The following GTF2I variants were observed in gnomAD, a reference collection of about 807,000 sequenced individuals.
GTF2I encodes the protein general transcription factor II-I.
A neutral mutation model predicts 67.6 loss-of-function variants in GTF2I; 12 were observed. The ratio of observed to expected loss-of-function variants is 0.18; its 90% confidence interval spans 0.11 to 0.29. The LOEUF (loss-of-function observed/expected upper bound fraction) is 0.29. GTF2I is among the 10% of genes least tolerant of loss of function. The pLI, the probability that GTF2I is intolerant of heterozygous loss-of-function variation, is 1.00. For synonymous variants in GTF2I, 149 were observed against 197.0 expected (o/e 0.76, Z 2.04); for missense variants, 271 against 580.1 (o/e 0.47, Z 5.47).
intron 1 of GTF2I, among the ~76,000 whole-genome samples, chr7:74,686,982 T>C (rs1787796501): frequency 6.6e-6 from 1 of 151,764 alleles, no homozygotes; most frequent in Admixed American, 6.6e-5. Flanking sequence ...CTCCACCTAC[T>C]GGATTCAATT....
chr7:74,668,543 A>G (rs1023792842), intron 1 of GTF2I, among the ~76,000 whole-genome samples: 1 of 151,710 alleles, frequency 6.6e-6, no homozygotes, highest in Non-Finnish European at 1.5e-5. Flanking sequence ...ATTTCCATAC[A>G]CAGTCCTTAA....
In GTF2I at chr7:74,716,959, A is replaced by C. The variant is rs1554403756; in HGVS notation, c.880+9A>C. ...GGAAGTACCAGCAGAAGGTTAGGAG[A>C]AAAAGAGATTGCATATTTTCCACTA... On this transcript the variant is annotated intron_variant, in intron 11 of 34. Transcript: ENST00000573035. The C allele has an allele frequency of 1.9e-6, 3 of 1,596,462 alleles. No homozygotes were observed. The African/African-American group carries it at 4.0e-5, about 21-fold the overall frequency.
chr7:74,708,472 T>G (rs1373716117), intron 8 of GTF2I, among the ~76,000 whole-genome samples: 1 of 152,134 alleles, frequency 6.6e-6, no homozygotes, highest in Admixed American at 6.6e-5. Flanking sequence ...CTGGTGCTGG[T>G]GGCTGAGGGG....
At chr7:74,709,678 A>T (rs189797603) in intron 8 of GTF2I, among the ~76,000 whole-genome samples, 9 of 143,048 alleles carry the variant, frequency 6.3e-5, no homozygotes, top group East Asian at 4.0e-4. Context: ...TTCTTTCTTT[A>T]TTTTTTTTTT....
chr7:74,680,099 A>AATATATATAT (rs1554393663), intron 1 of GTF2I, among the ~76,000 whole-genome samples: 7 of 94,976 alleles, frequency 7.4e-5, no homozygotes, highest in South Asian at 3.3e-4. Flanking sequence ...AAAAAAAAAA[A>AATATATATAT]ATATATATAT....
intron 1 of GTF2I, among the ~76,000 whole-genome samples, chr7:74,683,834 CAG>C (rs1787460102): frequency 6.6e-6 from 1 of 152,052 alleles, no homozygotes; most frequent in African/African-American, 2.4e-5. Context: ...GCCGGGGCAA[CAG>C]AGCGAGACTC....
intron 6 of GTF2I, among the ~76,000 whole-genome samples, chr7:74,703,282 A>G (rs1424359734): frequency 6.6e-6 from 1 of 152,088 alleles, no homozygotes; most frequent in Non-Finnish European, 1.5e-5. Context: ...AATCTACATT[A>G]TCCTTATTGT....
intron 1 of GTF2I, among the ~76,000 whole-genome samples, chr7:74,676,790 T>A (rs1486119280): frequency 1.3e-5 from 2 of 152,164 alleles, no homozygotes; most frequent in Admixed American, 1.3e-4. Context: ...GCATGATGGC[T>A]CATGCCTGTA....
At chr7:74,688,875 A>AC (rs1441910532) in intron 1 of GTF2I, 2 of 395,332 alleles carry the variant, frequency 5.1e-6, no homozygotes, top group Non-Finnish European at 9.1e-6. Context: ...TCTGGGTGCC[A>AC]CCTGGATTTA....
chr7:74,711,475 A>G (rs1189656477), intron 9 of GTF2I, among the ~76,000 whole-genome samples: 1 of 152,184 alleles, frequency 6.6e-6, no homozygotes, highest in Non-Finnish European at 1.5e-5. Flanking sequence ...TTAAACACTT[A>G]AAGTAAAAAA....
chr7:74,668,321 G>A (rs956129962), intron 1 of GTF2I, among the ~76,000 whole-genome samples: 1 of 122,804 alleles, frequency 8.1e-6, no homozygotes, highest in Non-Finnish European at 1.6e-5. Context: ...TTGTAGCATG[G>A]CAAAGCCCAT....
At chr7:74,688,832 G>A (rs587671471) in intron 1 of GTF2I, 7 of 332,460 alleles carry the variant, frequency 2.1e-5, no homozygotes, top group East Asian at 6.5e-5. Flanking sequence ...GCCTTGCCTC[G>A]TCTTGTTCTT....
At chr7:74,671,623 C>G (rs1242772364) in intron 1 of GTF2I, among the ~76,000 whole-genome samples, 2 of 151,938 alleles carry the variant, frequency 1.3e-5, no homozygotes, top group Non-Finnish European at 2.9e-5. Context: ...TAAGTGCCAG[C>G]TTTATTTCAG....
At chr7:74,691,786 T>C (rs1186672018) in intron 3 of GTF2I, among the ~76,000 whole-genome samples, 1 of 152,050 alleles carries the variant, frequency 6.6e-6, no homozygotes, top group African/African-American at 2.4e-5. Context: ...TTTTCTTTTT[T>C]TTTTTTGAGA....
chr7:74,674,735 C>T (rs1204528100), intron 1 of GTF2I, among the ~76,000 whole-genome samples: 1 of 149,154 alleles, frequency 6.7e-6, no homozygotes, highest in Non-Finnish European at 1.5e-5. Flanking sequence ...TTAGTGGAGA[C>T]GGGGTTTCTC....
At chr7:74,716,666 G>T in intron 10 of GTF2I, 1 of 438,928 alleles carries the variant, frequency 2.3e-6, no homozygotes, top group Non-Finnish European at 4.1e-6. Flanking sequence ...ACCTACTTAG[G>T]TCTACTCTGT....
chr7:74,688,729 A>C (rs903134407), intron 1 of GTF2I, among the ~76,000 whole-genome samples: 1 of 151,436 alleles, frequency 6.6e-6, no homozygotes, highest in South Asian at 2.1e-4. Flanking sequence ...CACTGTACCC[A>C]CTCTTTTGTG....
Position 74,701,715 on chromosome 7 carries a change from C to T in GTF2I, c.586+1081C>T, listed in dbSNP as rs1404173452. 2.6e-5 allele frequency among the ~76,000 whole-genome samples: 4 copies of T among 152,152 alleles called. No homozygotes were observed. The East Asian group carries it at 7.7e-4, about 29-fold the overall frequency. On this transcript the variant is annotated intron_variant, in intron 6 of 34. Transcript: ENST00000573035. ...CCTGACCTCAAATGATCCACCCGCCCCGGCCTCCCAAAGTGCTGGGATTAC... is the reference window on the plus strand; with the variant it reads ...CCTGACCTCAAATGATCCACCCGCCTCGGCCTCCCAAAGTGCTGGGATTAC...
intron 6 of GTF2I, among the ~76,000 whole-genome samples, chr7:74,703,067 G>T (rs1247232013): frequency 4.6e-5 from 7 of 151,982 alleles, no homozygotes; most frequent in Non-Finnish European, 5.9e-5. Context: ...ATTTTTTGGA[G>T]AAATATCTAT....
Sources: allele counts gnomAD v4.1 joint callset (sites outside exome capture counted in the v4.1 genomes callset), GRCh38; gene constraint gnomAD v4.1.1; transcripts MANE v1.5; gene names NCBI Gene and HGNC (gene_info 2026-07-23, HGNC 2026-07-21).